The following BCL7B variants were observed in gnomAD, a reference collection of about 807,000 sequenced individuals.
The protein encoded by BCL7B is B-cell CLL/lymphoma 7 protein family member B.
In BCL7B, 11 loss-of-function variants were observed where a neutral mutation model predicts 26.5. That is an observed-to-expected ratio of 0.42 (90% confidence interval 0.26 to 0.69). The LOEUF is 0.69. Ranked by LOEUF, BCL7B falls within the 30% of genes least tolerant of loss-of-function variation. The probability of loss-of-function intolerance (pLI) is 0.28; values close to 1 mark genes in which losing one functional copy is unlikely to be tolerated. For missense variants in BCL7B, 215 were observed against 264.4 expected (o/e 0.81, Z 1.30); for synonymous variants, 111 against 107.9 (o/e 1.03, Z -0.18).
Position 73,543,663 on chromosome 7 carries a change from A to G in BCL7B, c.169-19T>C. On this transcript the variant is annotated intron_variant, in intron 2 of 5. Coordinates refer to ENST00000223368, the MANE Select transcript of BCL7B (RefSeq NM_001707.4). ...TTTCTTTCTAGAAAAGGAAAAAAAG[A>G]GGAATATGACAGAGCCAAGCAGGAG... The G allele has an allele frequency of 6.2e-7, 1 of 1,600,144 alleles. No homozygotes were observed. Among genetic ancestry groups the G allele is most frequent in the Non-Finnish European group, 8.6e-7 (1 of 1,169,298 alleles).
chr7:73,541,491 G>A (rs1360740412), intron 3 of BCL7B, among the ~76,000 whole-genome samples: 10 of 143,484 alleles, frequency 7.0e-5, no homozygotes, highest in Admixed American at 2.8e-4. Context: ...TTTTGAGACC[G>A]AGTTTCGCTC....
At chr7:73,548,817 C>T (rs1792052673) in intron 2 of BCL7B, among the ~76,000 whole-genome samples, 1 of 151,986 alleles carries the variant, frequency 6.6e-6, no homozygotes, top group Non-Finnish European at 1.5e-5. Flanking sequence ...GTAATCCCAG[C>T]TACTTGGGAG....
chr7:73,551,143 G>A (rs535924201), intron 2 of BCL7B, among the ~76,000 whole-genome samples: 1 of 152,318 alleles, frequency 6.6e-6, no homozygotes, highest in Non-Finnish European at 1.5e-5. Context: ...ATAAGAGCAA[G>A]TATCAGCAAA....
intron 3 of BCL7B, among the ~76,000 whole-genome samples, chr7:73,542,301 C>T (rs1220756272): frequency 1.3e-5 from 2 of 152,182 alleles, no homozygotes; most frequent in African/African-American, 2.4e-5. Context: ...ACTGAACACA[C>T]GTTGGTGTTC....
intron 4 of BCL7B, 51 bp downstream of exon 4, chr7:73,539,831 C>T (rs1554582588): frequency 6.3e-7 from 1 of 1,590,404 alleles, no homozygotes; most frequent in South Asian, 1.1e-5. Flanking sequence ...ACAACAAGAG[C>T]AGAAAGCAAG....
At position 73,544,399 on chromosome 7, in the gene BCL7B, C is replaced by T. The variant is rs782496194; in HGVS notation, c.169-755G>A. On this transcript the variant is annotated intron_variant, in intron 2 of 5. Transcript: ENST00000223368. ...CTGCACTCCAGCCTGGGCTACAGTG[C>T]GAGACTCCATCTAAAAAAACATAAA... 5.3e-5 allele frequency among the ~76,000 whole-genome samples: 8 copies of T among 149,846 alleles called. No individual in the cohort carries two copies. The East Asian group carries it at 7.8e-4, about 15-fold the overall frequency.
At chr7:73,547,977 G>A (rs1229641331) in intron 2 of BCL7B, among the ~76,000 whole-genome samples, 1 of 152,076 alleles carries the variant, frequency 6.6e-6, no homozygotes, top group Non-Finnish European at 1.5e-5. Flanking sequence ...AAATTAGGCT[G>A]GGTGTGGCAG....
At chr7:73,557,449 C>A (rs781969026) in intron 1 of BCL7B, 38 bp downstream of exon 1, 15 of 1,305,306 alleles carry the variant, frequency 1.1e-5, no homozygotes. Context: ...GGCCTGGATC[C>A]GCGACCCCCG....
At chr7:73,546,860 A>G (rs1458996208) in intron 2 of BCL7B, among the ~76,000 whole-genome samples, 1 of 152,178 alleles carries the variant, frequency 6.6e-6, no homozygotes, top group East Asian at 1.9e-4. Flanking sequence ...TGAATGAGAG[A>G]AAAGTTAAGA....
rs1414192996 is a variant in BCL7B, at chr7:73,544,552, G to T, written c.169-908C>A. On this transcript the variant is annotated intron_variant, in intron 2 of 5. Coordinates refer to ENST00000223368, the MANE Select transcript of BCL7B (RefSeq NM_001707.4). ...GAGACAGGAGAATCGCTTGAACCTG[G>T]GGGGTGGAAGTTGCAGTGAGCCAAG... Among the ~76,000 whole-genome samples, 49 of 152,088 alleles carry T rather than the reference G, an allele frequency of 3.2e-4. 1 individual carries two copies. The highest frequency in any genetic ancestry group is 3.2e-3 in the Admixed American group (49 of 15,260).
At chr7:73,553,654 CAG>C (rs1792259851) in intron 1 of BCL7B, 1 of 153,348 alleles carries the variant, frequency 6.5e-6, no homozygotes, top group Non-Finnish European at 1.5e-5. Flanking sequence ...GCCTGGGTGA[CAG>C]AGCGAGATTC....
In BCL7B at chr7:73,537,114, A is replaced by G; in HGVS notation, c.*184T>C. The G allele has an allele frequency of 1.9e-6, 1 of 529,090 alleles. No homozygotes were observed. The highest frequency in any genetic ancestry group is 2.8e-5 in the South Asian group (1 of 35,530). 32.8% of individuals were successfully genotyped at this position (529,090 alleles called of 1,614,324 possible). ...CTCCTCTTCTCGGGAGCAAGTAGAC[A>G]CAGGTGCCAGGGTCAGGAAGATGAT... On this transcript the variant is annotated 3_prime_UTR_variant, in exon 6 of 6. Transcript: ENST00000223368.
Position 73,539,530 on chromosome 7 carries a change from G to C in BCL7B, c.436+352C>G, listed in dbSNP as rs566745846. 5.9e-5 allele frequency among the ~76,000 whole-genome samples: 9 copies of C among 152,302 alleles called. No homozygotes were observed. In the South Asian group the frequency reaches 1.7e-3, roughly 28 times the overall value. On this transcript the variant is annotated intron_variant, in intron 4 of 5. Transcript: ENST00000223368. ...ACCTCCCAAAGTGCTGGGATTACAG[G>C]TGTGAGCCACCATGCCCAGCCCAAT...
chr7:73,552,900 G>A (rs530587635), intron 1 of BCL7B, among the ~76,000 whole-genome samples: 2 of 152,136 alleles, frequency 1.3e-5, no homozygotes, highest in Non-Finnish European at 2.9e-5. Context: ...CCAAATATAT[G>A]AGTTCTATTA....
intron 2 of BCL7B, among the ~76,000 whole-genome samples, chr7:73,547,246 T>G (rs1347598111): frequency 6.6e-6 from 1 of 151,872 alleles, no homozygotes; most frequent in Non-Finnish European, 1.5e-5. Flanking sequence ...AAGGATCGCT[T>G]GAGCCCAGGA....
At chr7:73,540,295 T>C in intron 3 of BCL7B, 1 of 443,406 alleles carries the variant, frequency 2.3e-6, no homozygotes, top group South Asian at 3.2e-5. Flanking sequence ...TTCTTTATTA[T>C]CCACTGATTG....
At position 73,539,898 on chromosome 7, in the gene BCL7B, G is replaced by A. The variant is rs1554582604; in HGVS notation, c.420C>T (p.Gly140=). ...RTDDSQPPTL[G]QEILEEPSLP... ...ACGACTCACCCTCCAGGATCTCCTG[G>A]CCCAGCGTTGGGGGCTGGGAGTCAT... The change falls in exon 4 of 6, where the codon GGC becomes GGT. Residue 140 remains glycine (G), a synonymous_variant. Coordinates refer to ENST00000223368, the MANE Select transcript of BCL7B (RefSeq NM_001707.4). 1 of 1,613,546 alleles carries A rather than the reference G, an allele frequency of 6.2e-7. No homozygotes were observed. Among genetic ancestry groups the A allele is most frequent in the Non-Finnish European group, 8.5e-7 (1 of 1,179,934 alleles).
At chr7:73,540,868 C>T (rs1386656573) in intron 3 of BCL7B, among the ~76,000 whole-genome samples, 25 of 140,328 alleles carry the variant, frequency 1.8e-4, no homozygotes, top group Non-Finnish European at 2.3e-4. Context: ...GTTACCAGGC[C>T]GAGTGCAGTG....
At chr7:73,550,484 G>A (rs941839182) in intron 2 of BCL7B, among the ~76,000 whole-genome samples, 1 of 151,886 alleles carries the variant, frequency 6.6e-6, no homozygotes, top group Non-Finnish European at 1.5e-5. Flanking sequence ...GGCAGAGGTT[G>A]TAGTGAGCTG....
Sources: gnomAD v4.1 joint callset for allele counts (sites outside exome capture counted in the v4.1 genomes callset) on GRCh38, gnomAD v4.1.1 for gene constraint, MANE v1.5 for transcripts, NCBI Gene and HGNC (gene_info 2026-07-23, HGNC 2026-07-21) for gene names.